PLXNA4: variants seen among roughly 807,000 people sequenced by gnomAD.
PLXNA4 encodes plexin-A4.
PLXNA4 carries 44 observed loss-of-function variants against 191.8 expected under a neutral mutation model. The ratio of observed to expected loss-of-function variants is 0.23; its 90% confidence interval spans 0.18 to 0.29. The LOEUF (loss-of-function observed/expected upper bound fraction) is 0.29. Ranked by LOEUF, PLXNA4 falls within the 10% of genes least tolerant of loss-of-function variation. The pLI is 1.00. For missense variants in PLXNA4, 1,800 were observed against 2,488.8 expected (o/e 0.72, Z 5.89); for synonymous variants, 1,082 against 1,009.5 (o/e 1.07, Z -1.36).
intron 1 of PLXNA4, among the ~76,000 whole-genome samples, chr7:132,533,263 A>G (rs540814407): frequency 1.3e-5 from 2 of 152,328 alleles, no homozygotes; most frequent in Non-Finnish European, 2.9e-5. Flanking sequence ...GGAACAAATG[A>G]TCAGGACTGT....
At chr7:132,469,573 C>T (rs925089491) in intron 3 of PLXNA4, among the ~76,000 whole-genome samples, 2 of 152,188 alleles carry the variant, frequency 1.3e-5, no homozygotes, top group Non-Finnish European at 2.9e-5. Flanking sequence ...TCTTAGCCTT[C>T]CTGAAACAGG....
chr7:132,618,188 T>C (rs564117887), intron 2 of PLXNA4, among the ~76,000 whole-genome samples: 1 of 152,360 alleles, frequency 6.6e-6, no homozygotes, highest in East Asian at 1.9e-4. Context: ...TAGGTGCTAT[T>C]ACTAAAGGAA....
chr7:132,181,353 C>T (rs199629511), intron 18 of PLXNA4, 28 bp downstream of exon 18: 3 of 1,611,804 alleles, frequency 1.9e-6, no homozygotes, highest in South Asian at 2.2e-5. Flanking sequence ...TCTTTTCCCA[C>T]CCCCGCCTCC....
chr7:132,281,884 G>A (rs1800489602), intron 4 of PLXNA4, among the ~76,000 whole-genome samples: 3 of 152,152 alleles, frequency 2.0e-5, no homozygotes, highest in Non-Finnish European at 2.9e-5. Context: ...GTACATCATT[G>A]CAAAGTATTA....
At chr7:132,213,584 C>T (rs1259982046) in intron 9 of PLXNA4, among the ~76,000 whole-genome samples, 1 of 152,132 alleles carries the variant, frequency 6.6e-6, no homozygotes, top group Non-Finnish European at 1.5e-5. Context: ...GCTACTCTAG[C>T]AAGGTGGGAA....
intron 1 of PLXNA4, among the ~76,000 whole-genome samples, chr7:132,565,666 G>T (rs778823979): frequency 1.3e-5 from 2 of 152,126 alleles, no homozygotes; most frequent in Admixed American, 6.5e-5. Context: ...CAAAGAGAAT[G>T]CCATGAATAG....
intron 2 of PLXNA4, among the ~76,000 whole-genome samples, chr7:132,489,812 AC>A (rs1797711679): frequency 6.6e-6 from 1 of 152,102 alleles, no homozygotes; most frequent in African/African-American, 2.4e-5. Flanking sequence ...GAAAAGCCTC[AC>A]GTGGAAAAGC....
intron 2 of PLXNA4, among the ~76,000 whole-genome samples, chr7:132,631,554 G>C (rs1175219674): frequency 6.6e-6 from 1 of 152,138 alleles, no homozygotes; most frequent in Non-Finnish European, 1.5e-5. Flanking sequence ...GTGAGTGTCT[G>C]CTCTAGATGG....
At chr7:132,640,280 T>C (rs1208988373) in intron 2 of PLXNA4, among the ~76,000 whole-genome samples, 1 of 152,166 alleles carries the variant, frequency 6.6e-6, no homozygotes, top group Non-Finnish European at 1.5e-5. Flanking sequence ...CCAAAGAAGT[T>C]ATGGCTTTCA....
At chr7:132,268,695 T>G (rs915413618) in intron 4 of PLXNA4, among the ~76,000 whole-genome samples, 1 of 152,198 alleles carries the variant, frequency 6.6e-6, no homozygotes, top group African/African-American at 2.4e-5. Context: ...AGACTGCTGG[T>G]GCCTCCAGGA....
rs975046315 is a variant in PLXNA4, at chr7:132,124,554, A to C, written c.*5925T>G. ...ACAAAGGAAGTTCTAATTCCAAATAAAGAAATTGCTGGAAGAAGAGCTGCA... is the reference window on the plus strand; with the variant it reads ...ACAAAGGAAGTTCTAATTCCAAATACAGAAATTGCTGGAAGAAGAGCTGCA... On this transcript the variant is annotated 3_prime_UTR_variant, in exon 32 of 32. Transcript: ENST00000321063. The C allele has an allele frequency of 3.9e-5, 6 of 152,244 alleles. No homozygotes were observed. The highest frequency in any genetic ancestry group is 1.4e-4 in the African/African-American group (6 of 41,458). 9.4% of individuals were successfully genotyped at this position (152,244 alleles called of 1,614,324 possible).
At chr7:132,532,906 A>C (rs1482713242) in intron 1 of PLXNA4, among the ~76,000 whole-genome samples, 1 of 151,978 alleles carries the variant, frequency 6.6e-6, no homozygotes, top group Non-Finnish European at 1.5e-5. Flanking sequence ...CTAACTATTT[A>C]TTCCCTCTAG....
chr7:132,498,620 G>GA (rs950568146), intron 2 of PLXNA4, among the ~76,000 whole-genome samples: 3 of 152,050 alleles, frequency 2.0e-5, no homozygotes, highest in African/African-American at 7.2e-5. Flanking sequence ...GTATGCATGG[G>GA]AAAAAACACG....
intron 3 of PLXNA4, among the ~76,000 whole-genome samples, chr7:132,443,610 T>C (rs1052634890): frequency 1.3e-5 from 2 of 152,210 alleles, no homozygotes; most frequent in African/African-American, 4.8e-5. Flanking sequence ...CTGCGCGTGG[T>C]CGTGACCATG....
chr7:132,192,588 G>A (rs569101633), intron 14 of PLXNA4, among the ~76,000 whole-genome samples: 6 of 152,060 alleles, frequency 3.9e-5, no homozygotes, highest in Admixed American at 1.3e-4. Context: ...AGAGAGGAAG[G>A]AGAATGAAAG....
At chr7:132,494,685 C>A (rs73724045) in intron 2 of PLXNA4, among the ~76,000 whole-genome samples, 1 of 152,104 alleles carries the variant, frequency 6.6e-6, no homozygotes, top group East Asian at 1.9e-4. Flanking sequence ...CAAAGGTTAC[C>A]GTGCAATTAC....
chr7:132,413,550 T>C (rs1461167588), intron 3 of PLXNA4, among the ~76,000 whole-genome samples: 1 of 152,156 alleles, frequency 6.6e-6, no homozygotes, highest in African/African-American at 2.4e-5. Flanking sequence ...GGCCTCAACC[T>C]AAACCCAACT....
At chr7:132,324,341 CAG>C (rs554358361) in intron 3 of PLXNA4, among the ~76,000 whole-genome samples, 135 of 152,178 alleles carry the variant, frequency 8.9e-4, no homozygotes, top group Non-Finnish European at 1.8e-3. Context: ...CTTATTGTGA[CAG>C]AGTTTGCATG....
At chr7:132,308,306 C>T (rs1057384156) in intron 3 of PLXNA4, among the ~76,000 whole-genome samples, 11 of 152,152 alleles carry the variant, frequency 7.2e-5, no homozygotes, top group African/African-American at 2.4e-4. Flanking sequence ...TCAGCCACCC[C>T]GTGACCCCAG....
Sources: gnomAD v4.1 joint callset for allele counts (sites outside exome capture counted in the v4.1 genomes callset) on GRCh38, gnomAD v4.1.1 for gene constraint, MANE v1.5 for transcripts, NCBI Gene and HGNC (gene_info 2026-07-23, HGNC 2026-07-21) for gene names.